NHEJ1: variants seen among roughly 807,000 people sequenced by gnomAD.
NHEJ1 encodes the protein non-homologous end-joining factor 1.
NHEJ1 carries 22 observed loss-of-function variants against 39.4 expected under a neutral mutation model. The observed-to-expected ratio is 0.56, with a 90% CI of 0.40 to 0.80. NHEJ1 has a LOEUF of 0.80. Among genes scored for constraint, NHEJ1 ranks in the 30% least tolerant of loss-of-function variants. The pLI is 0.00. For synonymous variants in NHEJ1, 154 were observed against 135.6 expected, an observed-to-expected ratio of 1.14 and a Z score of -0.94; for missense variants, 329 against 357.1, an observed-to-expected ratio of 0.92 and a Z score of 0.63.
intron 5 of NHEJ1, among the ~76,000 whole-genome samples, chr2:219,141,083 A>G (rs1432548557): frequency 6.6e-6 from 1 of 152,204 alleles, no homozygotes; most frequent in Admixed American, 6.5e-5. Context: ...GGTCAAGCCA[A>G]AAAAGGGACA....
intron 3 of NHEJ1, among the ~76,000 whole-genome samples, chr2:219,150,256 G>C (rs944892547): frequency 3.3e-5 from 5 of 152,246 alleles, no homozygotes; most frequent in African/African-American, 9.6e-5. Flanking sequence ...AAGGAAGTTA[G>C]TGGCGGCAGC....
At chr2:219,104,623 G>C (rs997152767) in intron 5 of NHEJ1, among the ~76,000 whole-genome samples, 2 of 152,164 alleles carry the variant, frequency 1.3e-5, no homozygotes, top group Non-Finnish European at 2.9e-5. Context: ...GAAGGTGGTA[G>C]AGAAAGAGGG....
chr2:219,078,215 G>C lies in NHEJ1; in HGVS notation c.589-9C>G, dbSNP rs1266607343. 6.2e-7 allele frequency: 1 copy of C among 1,605,680 alleles called. No homozygotes were observed. The highest frequency in any genetic ancestry group is 1.3e-5 in the African/African-American group (1 of 74,902). ...CATGCCTCTGGCAGTTTCTGTAAGAGAGAGGAGATACTGTCATTGGTTACA... is the reference window on the plus strand; with the variant it reads ...CATGCCTCTGGCAGTTTCTGTAAGACAGAGGAGATACTGTCATTGGTTACA... On this transcript the variant is annotated splice_polypyrimidine_tract_variant and intron_variant, in intron 5 of 7. Transcript: ENST00000356853.
chr2:219,113,560 C>T (rs1258929554), intron 5 of NHEJ1, among the ~76,000 whole-genome samples: 1 of 152,110 alleles, frequency 6.6e-6, no homozygotes, highest in Non-Finnish European at 1.5e-5. Flanking sequence ...TCAGAGGCTC[C>T]AGATAAGTGA....
intron 5 of NHEJ1, among the ~76,000 whole-genome samples, chr2:219,145,792 T>C (rs1949733656): frequency 6.6e-6 from 1 of 151,702 alleles, no homozygotes; most frequent in Non-Finnish European, 1.5e-5. Context: ...ATTAGCTGGG[T>C]GTGGTGGCAC....
intron 5 of NHEJ1, among the ~76,000 whole-genome samples, chr2:219,115,431 G>A (rs997988680): frequency 2.6e-5 from 4 of 152,190 alleles, no homozygotes; most frequent in African/African-American, 9.7e-5. Context: ...GTGAGAGACG[G>A]TAGAGGGGAA....
At chr2:219,099,012 C>A (rs1222828444) in intron 5 of NHEJ1, among the ~76,000 whole-genome samples, 1 of 151,784 alleles carries the variant, frequency 6.6e-6, no homozygotes, top group African/African-American at 2.4e-5. Flanking sequence ...GGAGTCAGGA[C>A]AATGAAAAGG....
rs371755625 is a variant in NHEJ1, at chr2:219,111,005, ATGAGC to A, written c.589-32804_589-32800del. ...GTGAAAAGGGACATGGGTAGATAAG[ATGAGC>A]TTAGTTTTAAAGTATTTCTCTTTAC... On this transcript the variant is annotated intron_variant, in intron 5 of 7. Transcript: ENST00000356853. The surrounding 1 kb of genome is among the most constrained non-coding windows in gnomAD (Gnocchi z 4.1). 6.6e-5 allele frequency among the ~76,000 whole-genome samples: 10 copies of A among 152,298 alleles called. No individual in the cohort carries two copies. Among genetic ancestry groups the A allele is most frequent in the African/African-American group, 2.4e-4 (10 of 41,570 alleles).
Position 219,157,511 on chromosome 2 carries a change from G to C in NHEJ1, c.351C>G (p.Phe117Leu), listed in dbSNP as rs1249067213. 8 of 1,614,008 alleles carry C rather than the reference G, an allele frequency of 5.0e-6. No homozygotes were observed. Among genetic ancestry groups the C allele is most frequent in the Non-Finnish European group, 6.8e-6 (8 of 1,180,046 alleles). The change falls in exon 3 of 8, where the codon TTC becomes TTG. Residue 117 changes from phenylalanine to leucine, a missense_variant. Phe to Leu is a conservative substitution (Grantham distance 22, BLOSUM62 0). Coordinates refer to ENST00000356853, the MANE Select transcript of NHEJ1 (RefSeq NM_024782.3). ...CTAGCATGCAGTGGAAATTCCAATA[G>C]AAGGGGAGGCCAGAGAGCTCACTTC... Reference protein sequence around the residue: ...RVRSELSGLPFYWNFHCMLAS... With the variant: ...RVRSELSGLPLYWNFHCMLAS...
intron 3 of NHEJ1, among the ~76,000 whole-genome samples, chr2:219,153,215 G>A (rs890330839): frequency 2.6e-5 from 4 of 152,078 alleles, no homozygotes; most frequent in Non-Finnish European, 5.9e-5. Context: ...TAATCCTTAC[G>A]ACTAGACAGT....
At chr2:219,141,041 T>G (rs1949685520) in intron 5 of NHEJ1, among the ~76,000 whole-genome samples, 1 of 152,098 alleles carries the variant, frequency 6.6e-6, no homozygotes, top group Non-Finnish European at 1.5e-5. Flanking sequence ...GAATAAGAAC[T>G]GACCAGGAGA....
In NHEJ1 at chr2:219,078,192, T is replaced by A; in HGVS notation, c.603A>T (p.Ala201=). ...AGGGCTTTCCATCACCAATGCTGCATGCCTCTGGCAGTTTCTGTAAGAGAG... is the reference window on the plus strand; with the variant it reads ...AGGGCTTTCCATCACCAATGCTGCAAGCCTCTGGCAGTTTCTGTAAGAGAG... ...EQFMIEKLPE[A]CSIGDGKPFV... Residue 201 remains alanine (A), a synonymous_variant, in exon 6 of 8, where the codon GCA becomes GCT. Transcript: ENST00000356853. 2 of 1,614,108 alleles carry A rather than the reference T, an allele frequency of 1.2e-6. No individual in the cohort carries two copies. Among genetic ancestry groups the A allele is most frequent in the South Asian group, 2.2e-5 (2 of 91,088 alleles).
intron 5 of NHEJ1, among the ~76,000 whole-genome samples, chr2:219,138,171 G>A (rs1183691561): frequency 1.3e-5 from 2 of 152,152 alleles, no homozygotes; most frequent in African/African-American, 4.8e-5. Flanking sequence ...CTGTGGAAGT[G>A]GAGCCCTTGT....
rs529791245 is a variant in NHEJ1, at chr2:219,083,330, T to G, written c.589-5124A>C. 2.0e-4 allele frequency among the ~76,000 whole-genome samples: 30 copies of G among 151,864 alleles called. No individual in the cohort carries two copies. The East Asian group carries it at 5.2e-3, about 26-fold the overall frequency. ...GTCCATGACACAGACCCAACTGCAG[T>G]AGTAAAAGGCTGAGAGTCAGAAGGA... On this transcript the variant is annotated intron_variant, in intron 5 of 7. Transcript: ENST00000356853.
At chr2:219,077,855 C>T (rs2106319882) in intron 6 of NHEJ1, among the ~76,000 whole-genome samples, 1 of 152,288 alleles carries the variant, frequency 6.6e-6, no homozygotes, top group Non-Finnish European at 1.5e-5. Flanking sequence ...GAACTTTCTG[C>T]AATGATGGAA....
At chr2:219,114,657 G>A (rs1318637452) in intron 5 of NHEJ1, among the ~76,000 whole-genome samples, 1 of 152,192 alleles carries the variant, frequency 6.6e-6, no homozygotes, top group Non-Finnish European at 1.5e-5. Context: ...GGTAAGGCTG[G>A]GAGCAGACTG....
At chr2:219,147,561 G>C in intron 4 of NHEJ1, 96 bp downstream of exon 4, 1 of 1,471,720 alleles carries the variant, frequency 6.8e-7, no homozygotes. Flanking sequence ...TCCTGGGGGA[G>C]GCACTTCTCT....
At chr2:219,144,922 A>C (rs1333170440) in intron 5 of NHEJ1, among the ~76,000 whole-genome samples, 1 of 152,162 alleles carries the variant, frequency 6.6e-6, no homozygotes, top group Admixed American at 6.6e-5. Flanking sequence ...AAAAACTTGA[A>C]ACCTTTTCTA....
In NHEJ1 at chr2:219,073,058, C is replaced by T. The variant is rs535782580; in HGVS notation, c.*3323G>A. ...GAAAGAAAAGGGAGTCCAAATGTAC[C>T]GCTGGATAAAAACGAGCAGCAGTAG... On this transcript the variant is annotated 3_prime_UTR_variant, in exon 8 of 8. Coordinates refer to ENST00000356853, the MANE Select transcript of NHEJ1 (RefSeq NM_024782.3). Among the ~76,000 whole-genome samples the T allele has an allele frequency of 3.3e-5, 5 of 152,182 alleles. No individual in the cohort carries two copies. The highest frequency in any genetic ancestry group is 2.1e-4 in the South Asian group (1 of 4,808).
Sources: allele counts gnomAD v4.1 joint callset (sites outside exome capture counted in the v4.1 genomes callset), GRCh38; gene constraint gnomAD v4.1.1; non-coding constraint Gnocchi (gnomAD v3.1); transcripts MANE v1.5; gene names NCBI Gene and HGNC (gene_info 2026-07-23, HGNC 2026-07-21).